MXI1: variants seen among roughly 807,000 people sequenced by gnomAD.
MXI1 encodes the protein MAX interactor 1, dimerization protein, also known as max-interacting protein 1.
In MXI1, 18 loss-of-function variants were observed where a neutral mutation model predicts 36.9. The ratio of observed to expected loss-of-function variants is 0.49; its 90% confidence interval spans 0.34 to 0.72. The LOEUF (loss-of-function observed/expected upper bound fraction) is 0.72, where lower values mean the gene tolerates loss of function less well. MXI1 is among the 30% of genes least tolerant of loss of function. The pLI, the probability that MXI1 is intolerant of heterozygous loss-of-function variation, is 0.01. For synonymous variants in MXI1, 160 were observed against 146.7 expected (o/e 1.09, Z -0.65); for missense variants, 304 against 379.1 (o/e 0.80, Z 1.64).
intron 3 of MXI1, among the ~76,000 whole-genome samples, chr10:110,258,545 C>A (rs1222932996): frequency 6.6e-6 from 1 of 152,056 alleles, no homozygotes; most frequent in Admixed American, 6.6e-5. Context: ...CTATATAATT[C>A]ATGTATTTCT....
Position 110,285,125 on chromosome 10 carries a change from G to A in MXI1, c.*138G>A, listed in dbSNP as rs1857397947. On this transcript the variant is annotated 3_prime_UTR_variant, in exon 6 of 6. Transcript: ENST00000332674. ...AAAACAAAACTATACTTGAACAAAA[G>A]GGTCAGAGGACCTGTATTTAAGCAA... The A allele has an allele frequency of 1.3e-5, 11 of 828,476 alleles. No individual in the cohort carries two copies. Among genetic ancestry groups the A allele is most frequent in the Non-Finnish European group, 1.7e-5 (10 of 587,810 alleles). The allele number at this position is 828,476 out of a possible 1,614,324, so 51.3% of individuals were successfully genotyped here.
At chr10:110,261,851 C>CA (rs892711519) in intron 3 of MXI1, among the ~76,000 whole-genome samples, 2 of 152,008 alleles carry the variant, frequency 1.3e-5, no homozygotes, top group African/African-American at 4.8e-5. Flanking sequence ...TACAGATAGG[C>CA]ATGAACAAGA....
At chr10:110,283,756 A>G (rs1401116872) in intron 5 of MXI1, among the ~76,000 whole-genome samples, 2 of 151,944 alleles carry the variant, frequency 1.3e-5, no homozygotes, top group East Asian at 3.9e-4. Context: ...TGATGATTGA[A>G]TATCTAGTAT....
At chr10:110,260,416 G>GGTGTGTGTGT (rs151334728) in intron 3 of MXI1, among the ~76,000 whole-genome samples, 285 of 144,654 alleles carry the variant, frequency 2.0e-3, no homozygotes, top group Non-Finnish European at 3.2e-3. Flanking sequence ...CCTTGATACA[G>GGTGTGTGTGT]GTGTGTGTGT....
chr10:110,211,487 G>C (rs191846245), intron 1 of MXI1, among the ~76,000 whole-genome samples: 14 of 152,362 alleles, frequency 9.2e-5, no homozygotes, highest in African/African-American at 3.1e-4. Flanking sequence ...GGTTCGGTGA[G>C]ACCTTTCTGA....
At chr10:110,260,496 G>GACACAC (rs560337143) in intron 3 of MXI1, among the ~76,000 whole-genome samples, 1 of 148,752 alleles carries the variant, frequency 6.7e-6, no homozygotes, top group South Asian at 2.1e-4. Context: ...TAACACTTGA[G>GACACAC]ACACACACAC....
chr10:110,230,995 C>T (rs1303287099), intron 2 of MXI1, among the ~76,000 whole-genome samples: 1 of 152,146 alleles, frequency 6.6e-6, no homozygotes, highest in South Asian at 2.1e-4. Flanking sequence ...TCTCTGACAT[C>T]GTAGCATCTT....
chr10:110,238,619 T>G (rs932881423), intron 2 of MXI1, among the ~76,000 whole-genome samples: 1 of 152,228 alleles, frequency 6.6e-6, no homozygotes, highest in Non-Finnish European at 1.5e-5. Flanking sequence ...AAAGATTTTA[T>G]GTAGGATTGG....
At chr10:110,250,439 T>C (rs964944474) in intron 3 of MXI1, among the ~76,000 whole-genome samples, 1 of 152,194 alleles carries the variant, frequency 6.6e-6, no homozygotes, top group Non-Finnish European at 1.5e-5. Context: ...TTGGGTCCTT[T>C]GCCAGATAAG....
At chr10:110,223,394 C>T (rs1330283911) in intron 1 of MXI1, among the ~76,000 whole-genome samples, 1 of 151,928 alleles carries the variant, frequency 6.6e-6, no homozygotes, top group African/African-American at 2.4e-5. Flanking sequence ...CCAGTGTGGC[C>T]AACATGGTGA....
chr10:110,242,162 T>A (rs1423609945), intron 2 of MXI1, among the ~76,000 whole-genome samples: 2 of 152,028 alleles, frequency 1.3e-5, no homozygotes, highest in African/African-American at 4.8e-5. Flanking sequence ...ACCTATTATT[T>A]AAGCCTTAGA....
chr10:110,271,636 A>T (rs1856857102), intron 3 of MXI1, among the ~76,000 whole-genome samples: 1 of 152,170 alleles, frequency 6.6e-6, no homozygotes, highest in South Asian at 2.1e-4. Context: ...TTGGTTATGG[A>T]AGAGGTTTGC....
chr10:110,215,031 G>GTT lies in MXI1; in HGVS notation c.274+6959_274+6960dup, dbSNP rs1310002307. Among the ~76,000 whole-genome samples, 635 of 98,062 alleles carry GTT rather than the reference G, an allele frequency of 6.5e-3. 63 individuals are homozygous for GTT. The highest frequency in any genetic ancestry group is 0.02 in the African/African-American group (377 of 18,526). The allele number at this position is 98,062 out of a possible 152,430, so 64.3% of individuals were successfully genotyped here. ...CCATTTTTCTTTCTGCTCCACTTCA[G>GTT]TTTTTTTTTTTGTTTTTTTTTTTTT... On this transcript the variant is annotated intron_variant, in intron 1 of 5. Transcript: ENST00000332674.
intron 2 of MXI1, among the ~76,000 whole-genome samples, chr10:110,242,520 T>G (rs1855707303): frequency 6.6e-6 from 1 of 152,076 alleles, no homozygotes; most frequent in African/African-American, 2.4e-5. Context: ...TCTCGTTATT[T>G]GAAAATCTTG....
rs1043145075 is a variant in MXI1, at chr10:110,207,748, G to T, written c.-61G>T. The T allele has an allele frequency of 4.6e-6, 5 of 1,091,902 alleles. No homozygotes were observed. Among genetic ancestry groups the T allele is most frequent in the Non-Finnish European group, 5.6e-6 (5 of 893,220 alleles). 67.6% of individuals were successfully genotyped at this position (1,091,902 alleles called of 1,614,324 possible). A position where few individuals can be genotyped will look rare whatever the true frequency, so the allele number is the denominator to read the frequency against. On this transcript the variant is annotated 5_prime_UTR_variant, in exon 1 of 6. Transcript: ENST00000332674. The stretch of plus-strand genomic sequence containing the variant: ...GCCGGCCGGGTCTCCCTGGGGGCCC[G>T]GAGCTCGGCCGGGCCGCGCAGCCCC...
In MXI1 at chr10:110,229,616, CTT is replaced by C. The variant is rs559564959; in HGVS notation, c.407+1296_407+1297del. Among the ~76,000 whole-genome samples, 345 of 152,292 alleles carry C rather than the reference CTT, an allele frequency of 2.3e-3. 3 individuals are homozygous for C. The highest frequency in any genetic ancestry group is 7.7e-3 in the African/African-American group (321 of 41,570). On this transcript the variant is annotated intron_variant, in intron 2 of 5. Transcript: ENST00000332674. ...TTAAGACTACTATATAGTTTTTAAA[CTT>C]AATTTCTTAAGTTATAAAAATAATT...
rs1201601220 is a variant in MXI1, at chr10:110,285,005, C to T, written c.*18C>T. 2 of 1,589,656 alleles carry T rather than the reference C, an allele frequency of 1.3e-6. No homozygotes were observed. The highest frequency in any genetic ancestry group is 2.3e-5 in the South Asian group (2 of 86,964). On this transcript the variant is annotated 3_prime_UTR_variant, in exon 6 of 6. Transcript: ENST00000332674. ...CTTCATAGAACCCAGCATGACATAA[C>T]AGTGCAGGGCAAAATATTCACTGGG...
At chr10:110,228,029 C>T (rs561551579) in intron 1 of MXI1, 160 bp from the exon 2 acceptor site, 132 of 728,930 alleles carry the variant, frequency 1.8e-4, no homozygotes, top group Non-Finnish European at 2.7e-4. Context: ...GGATTGATGT[C>T]CAGGCGAGGG....
At chr10:110,279,770 T>C (rs2134471652) in intron 4 of MXI1, 144 bp from the exon 5 acceptor site, 1 of 519,214 alleles carries the variant, frequency 1.9e-6, no homozygotes, top group East Asian at 3.3e-5. Context: ...GCATTCTCAT[T>C]TTGGAGGCTT....
Sources: allele counts gnomAD v4.1 joint callset (sites outside exome capture counted in the v4.1 genomes callset), GRCh38; gene constraint gnomAD v4.1.1; transcripts MANE v1.5; gene names NCBI Gene and HGNC (gene_info 2026-07-23, HGNC 2026-07-21).